Variants in NHERF4 observed in about 807,000 individuals in gnomAD.
NHERF4 encodes the protein NHERF family PDZ scaffold protein 4.
chr11:119,189,941 C>T, the NHERF4 span: 48 of 330,960 alleles, frequency 1.5e-4, no homozygotes, highest in African/African-American at 9.2e-4. The surrounding 1 kb of genome is among the most constrained non-coding windows in gnomAD (Gnocchi z 5.8). Context: ...AATGGCCATT[C>T]GCCATAAATC....
chr11:119,187,847 C>T, the NHERF4 span: 2 of 1,466,094 alleles, frequency 1.4e-6, no homozygotes, highest in Non-Finnish European at 1.8e-6. Flanking sequence ...GTGCCAGGCT[C>T]CACTTAGTGC....
At chr11:119,189,556 G>T in the NHERF4 span, 1 of 1,552,936 alleles carries the variant, frequency 6.4e-7, no homozygotes, top group South Asian at 1.1e-5. The surrounding 1 kb of genome is among the most constrained non-coding windows in gnomAD (Gnocchi z 5.8). Context: ...AGCCTGAGGT[G>T]GTGAAGGCAG....
the NHERF4 span, chr11:119,186,515 T>C: frequency 6.2e-7 from 1 of 1,614,190 alleles, no homozygotes; most frequent in Non-Finnish European, 8.5e-7. The surrounding 1 kb of genome is among the most constrained non-coding windows in gnomAD (Gnocchi z 4.4). Flanking sequence ...TTCTGTTTAC[T>C]GAGCAAAGAG....
the NHERF4 span, chr11:119,186,168 A>G: frequency 6.2e-7 from 1 of 1,614,052 alleles, no homozygotes; most frequent in East Asian, 2.2e-5. This position sits in a 1 kb window ranked among gnomAD's most constrained non-coding sequence, Gnocchi z 4.4. Context: ...CCCCTATGGT[A>G]ACTCCCTCAC....
the NHERF4 span, chr11:119,185,895 C>T: frequency 6.2e-7 from 1 of 1,613,846 alleles, no homozygotes; most frequent in Non-Finnish European, 8.5e-7. Context: ...ATGTGACTCT[C>T]CTCCTCTCAC....
At chr11:119,186,420 A>G in the NHERF4 span, 24 of 1,594,568 alleles carry the variant, frequency 1.5e-5, no homozygotes, top group Non-Finnish European at 2.1e-5. The surrounding 1 kb of genome is among the most constrained non-coding windows in gnomAD (Gnocchi z 4.4). Context: ...CACACGGCGA[A>G]CCTGTACTTG....
chr11:119,186,034 G>T, the NHERF4 span: 6 of 1,611,364 alleles, frequency 3.7e-6, 1 homozygote, highest in South Asian at 4.4e-5. The surrounding 1 kb of genome is among the most constrained non-coding windows in gnomAD (Gnocchi z 4.4). Flanking sequence ...ACCTAAAGGA[G>T]ATCCTGGGAC....
At chr11:119,187,818 T>C in the NHERF4 span, 1 of 1,458,706 alleles carries the variant, frequency 6.9e-7, no homozygotes, top group Non-Finnish European at 9.0e-7. Flanking sequence ...TTTATCACCA[T>C]CCTCCCCCTC....
At chr11:119,186,794 C>A in the NHERF4 span, 1 of 1,165,584 alleles carries the variant, frequency 8.6e-7, no homozygotes. This position sits in a 1 kb window ranked among gnomAD's most constrained non-coding sequence, Gnocchi z 4.4. Context: ...CACTCCCCCA[C>A]ACCCCAGGAT....
At chr11:119,186,409 G>A in the NHERF4 span, 1 of 1,582,298 alleles carries the variant, frequency 6.3e-7, no homozygotes, top group Non-Finnish European at 8.7e-7. The surrounding 1 kb of genome is among the most constrained non-coding windows in gnomAD (Gnocchi z 4.4). Context: ...GGTCTGCCAG[G>A]CACACGGCGA....
chr11:119,185,563 C>T, the NHERF4 span: 28 of 1,553,622 alleles, frequency 1.8e-5, no homozygotes, highest in Admixed American at 8.4e-5. Context: ...GGCAGGGGGC[C>T]GACTTGGAGG....
At chr11:119,190,013 C>T in the NHERF4 span, 1 of 414,584 alleles carries the variant, frequency 2.4e-6, no homozygotes, top group African/African-American at 2.0e-5. The surrounding 1 kb of genome is among the most constrained non-coding windows in gnomAD (Gnocchi z 4.2). Context: ...CCAAAAGGGC[C>T]TCAGGCTCAA....
chr11:119,187,255 G>A, the NHERF4 span: 7,006 of 1,574,992 alleles, frequency 4.4e-3, 30 homozygotes, highest in Middle Eastern at 9.6e-3. Flanking sequence ...CCACGCCCAC[G>A]TGCCCTCTGT....
chr11:119,185,572 G>A, the NHERF4 span: 1 of 1,522,596 alleles, frequency 6.6e-7, no homozygotes, highest in East Asian at 2.3e-5. Context: ...CCGACTTGGA[G>A]GCTGAAGCTT....
At chr11:119,187,600 G>C in the NHERF4 span, 1 of 1,586,398 alleles carries the variant, frequency 6.3e-7, no homozygotes, top group Non-Finnish European at 8.6e-7. Context: ...CTAAGTACTG[G>C]AGGAGCAGCT....
the NHERF4 span, chr11:119,188,962 T>A: frequency 1.2e-6 from 2 of 1,613,202 alleles, no homozygotes; most frequent in Non-Finnish European, 8.5e-7. Flanking sequence ...GCCAGCAAAC[T>A]TTCCCCCGGT....
chr11:119,186,087 T>C, the NHERF4 span: 1 of 1,610,886 alleles, frequency 6.2e-7, no homozygotes, highest in East Asian at 2.2e-5. The surrounding 1 kb of genome is among the most constrained non-coding windows in gnomAD (Gnocchi z 4.4). Flanking sequence ...CCTGCCTCCT[T>C]GCAGGAAGTT....
the NHERF4 span, chr11:119,187,378 C>T: frequency 6.2e-7 from 1 of 1,614,002 alleles, no homozygotes; most frequent in Non-Finnish European, 8.5e-7. Context: ...CCACCTCTGT[C>T]CCACCCTAGG....
the NHERF4 span, chr11:119,189,858 C>G: frequency 9.8e-5 from 36 of 368,566 alleles, no homozygotes; most frequent in Non-Finnish European, 1.6e-4. This position sits in a 1 kb window ranked among gnomAD's most constrained non-coding sequence, Gnocchi z 5.8. Context: ...TGGAGACCAG[C>G]TATGCCTGCC....
Sources: gnomAD v4.1 joint callset for allele counts on GRCh38, gnomAD v4.1.1 for gene constraint, Gnocchi (gnomAD v3.1) non-coding constraint, MANE v1.5 for transcripts, NCBI Gene and HGNC (gene_info 2026-07-23, HGNC 2026-07-21) for gene names.